The following ATP2B2 variants were observed in gnomAD, a reference collection of about 807,000 sequenced individuals.
ATP2B2 encodes ATPase plasma membrane Ca2+ transporting 2, also known as plasma membrane calcium-transporting ATPase 2.
ATP2B2 carries 15 observed loss-of-function variants against 120.0 expected under a neutral mutation model. The ratio of observed to expected loss-of-function variants is 0.12; its 90% CI spans 0.08 to 0.19. The LOEUF (loss-of-function observed/expected upper bound fraction) is 0.19. Ranked by LOEUF, ATP2B2 falls within the 10% of genes least tolerant of loss-of-function variation. ATP2B2 has a pLI of 1.00. For missense variants in ATP2B2, 1,045 were observed against 1,719.8 expected (o/e 0.61, Z 6.94); for synonymous variants, 694 against 700.3 (o/e 0.99, Z 0.14).
chr3:10,358,158 TC>T (rs752940089), intron 14 of ATP2B2, among the ~76,000 whole-genome samples: 36 of 152,222 alleles, frequency 2.4e-4, no homozygotes, highest in Non-Finnish European at 4.1e-4. Flanking sequence ...TCAGCTGTGT[TC>T]CTAGGCCAGC....
chr3:10,542,636 ATTC>A (rs1278404044), intron 2 of ATP2B2, among the ~76,000 whole-genome samples: 1 of 152,186 alleles, frequency 6.6e-6, no homozygotes, highest in African/African-American at 2.4e-5. Context: ...TGATAGTTCT[ATTC>A]TTTCAGCATT....
intron 1 of ATP2B2, among the ~76,000 whole-genome samples, chr3:10,455,221 T>A (rs1312373133): frequency 2.6e-5 from 4 of 152,106 alleles, no homozygotes; most frequent in African/African-American, 9.7e-5. Flanking sequence ...GATAACAAAA[T>A]CAGCAGTCAT....
chr3:10,498,057 G>C (rs1470312452), intron 1 of ATP2B2, among the ~76,000 whole-genome samples: 1 of 152,168 alleles, frequency 6.6e-6, no homozygotes, highest in African/African-American at 2.4e-5. Flanking sequence ...GAAATAAAAG[G>C]CATGGCTGGT....
chr3:10,651,354 G>T (rs1046792940), intron 1 of ATP2B2, among the ~76,000 whole-genome samples: 1 of 152,154 alleles, frequency 6.6e-6, no homozygotes, highest in Non-Finnish European at 1.5e-5. Flanking sequence ...ATGGGGGCAG[G>T]TCTTTCCCAT....
At chr3:10,707,641 C>A (rs1325565731) in intron 1 of ATP2B2, among the ~76,000 whole-genome samples, 1 of 152,144 alleles carries the variant, frequency 6.6e-6, no homozygotes, top group Admixed American at 6.5e-5. Flanking sequence ...GCAAGGCGCG[C>A]CCCCTTCCCT....
chr3:10,411,558 C>T (rs905423415), intron 2 of ATP2B2, among the ~76,000 whole-genome samples: 1 of 152,164 alleles, frequency 6.6e-6, no homozygotes, highest in East Asian at 1.9e-4. Flanking sequence ...GCGTGATGGC[C>T]CTCGCTCTCT....
At chr3:10,650,917 A>T (rs1420372523) in intron 1 of ATP2B2, among the ~76,000 whole-genome samples, 1 of 152,222 alleles carries the variant, frequency 6.6e-6, no homozygotes, top group Non-Finnish European at 1.5e-5. Context: ...TGTGAGACAT[A>T]GAGTCAAAGG....
intron 1 of ATP2B2, among the ~76,000 whole-genome samples, chr3:10,462,579 AGG>A (rs1451359873): frequency 6.6e-6 from 1 of 152,194 alleles, no homozygotes; most frequent in Non-Finnish European, 1.5e-5. Flanking sequence ...CCCATGAGGT[AGG>A]TATTATTATG....
Position 10,449,663 on chromosome 3 carries a change from C to A in ATP2B2, c.-120G>T, listed in dbSNP as rs1056889273. On this transcript the variant is annotated 5_prime_UTR_variant, in exon 2 of 23. Coordinates refer to ENST00000360273, the MANE Select transcript of ATP2B2 (RefSeq NM_001001331.4). Reference sequence around the variant, plus strand: ...CTCACTGGTCAGCTGTGGCACCAGGCGGCCGACTCCGGGTCCCGGGGGGTG... The same window carrying A: ...CTCACTGGTCAGCTGTGGCACCAGGAGGCCGACTCCGGGTCCCGGGGGGTG... 16 of 1,257,298 alleles carry A rather than the reference C, an allele frequency of 1.3e-5. No individual in the cohort carries two copies. Among genetic ancestry groups the A allele is most frequent in the East Asian group, 2.4e-5 (1 of 42,386 alleles). The allele number at this position is 1,257,298 out of a possible 1,614,324, so 77.9% of individuals were successfully genotyped here. A position where few individuals can be genotyped will look rare whatever the true frequency, so the allele number is the denominator to read the frequency against.
chr3:10,436,157 T>C (rs2063473824), intron 2 of ATP2B2, among the ~76,000 whole-genome samples: 2 of 152,248 alleles, frequency 1.3e-5, no homozygotes, highest in Admixed American at 1.3e-4. Flanking sequence ...ATGGCTAAAA[T>C]TTCAGGTATT....
intron 2 of ATP2B2, among the ~76,000 whole-genome samples, chr3:10,604,036 T>A (rs1217415313): frequency 6.6e-6 from 1 of 152,086 alleles, no homozygotes; most frequent in African/African-American, 2.4e-5. Flanking sequence ...GCTAGAGTTA[T>A]CACCCCTCCT....
At chr3:10,597,049 G>A (rs903591930) in intron 2 of ATP2B2, among the ~76,000 whole-genome samples, 8 of 116,458 alleles carry the variant, frequency 6.9e-5, no homozygotes, top group African/African-American at 1.7e-4. Context: ...ACACAGGTGC[G>A]CACACACACA....
chr3:10,457,582 G>C (rs1232882092), intron 1 of ATP2B2, among the ~76,000 whole-genome samples: 3 of 151,938 alleles, frequency 2.0e-5, no homozygotes, highest in East Asian at 3.9e-4. Context: ...GAGAGAGAGA[G>C]AGCAAGCCCA....
chr3:10,587,386 A>T (rs2068536070), intron 2 of ATP2B2, among the ~76,000 whole-genome samples: 1 of 150,710 alleles, frequency 6.6e-6, no homozygotes, highest in South Asian at 2.1e-4. Context: ...TAATTAATTT[A>T]TTTTTATTTA....
intron 2 of ATP2B2, among the ~76,000 whole-genome samples, chr3:10,416,452 G>T (rs972044149): frequency 1.3e-5 from 2 of 152,102 alleles, no homozygotes; most frequent in African/African-American, 4.8e-5. Flanking sequence ...CATTTGGTCT[G>T]CCCGGTGTTT....
At chr3:10,580,001 G>A (rs965612292) in intron 2 of ATP2B2, among the ~76,000 whole-genome samples, 1 of 152,156 alleles carries the variant, frequency 6.6e-6, no homozygotes, top group African/African-American at 2.4e-5. Flanking sequence ...AGGCCCAAGG[G>A]ATTCAGAATG....
intron 2 of ATP2B2, among the ~76,000 whole-genome samples, chr3:10,535,385 ATGTGTGTGTGTG>A (rs34707434): frequency 1.0e-4 from 15 of 147,062 alleles, no homozygotes; most frequent in Non-Finnish European, 2.3e-4. Context: ...CAGCAGTTTG[ATGTGTGTGTGTG>A]TGTGTGTGTG....
intron 2 of ATP2B2, 32 bp downstream of exon 2, chr3:10,449,313 T>C: frequency 6.2e-7 from 1 of 1,613,578 alleles, no homozygotes; most frequent in South Asian, 1.1e-5. Context: ...CCACCTAGGC[T>C]GCAGCCCTGG....
intron 1 of ATP2B2, among the ~76,000 whole-genome samples, chr3:10,499,853 G>A (rs1575417847): frequency 6.6e-6 from 1 of 152,050 alleles, no homozygotes; most frequent in African/African-American, 2.4e-5. Context: ...ACAAAAAGGT[G>A]GAAAGGTGAA....
Sources: allele counts gnomAD v4.1 joint callset (sites outside exome capture counted in the v4.1 genomes callset), GRCh38; gene constraint gnomAD v4.1.1; transcripts MANE v1.5; gene names NCBI Gene and HGNC (gene_info 2026-07-23, HGNC 2026-07-21).